The following RAD51B variants were observed in gnomAD, a reference collection of about 807,000 sequenced individuals.
RAD51B encodes RAD51 paralog B, also known as DNA repair protein RAD51 homolog 2.
A neutral mutation model predicts 42.2 loss-of-function variants in RAD51B; 38 were observed. The observed-to-expected ratio is 0.90, with a 90% CI of 0.70 to 1.18. The LOEUF (loss-of-function observed/expected upper bound fraction) is 1.18. Ranked by LOEUF, RAD51B falls within the 50% of genes most tolerant of loss-of-function variation. RAD51B has a pLI of 0.00. For missense variants in RAD51B, 373 were observed against 400.7 expected (o/e 0.93, Z 0.59); for synonymous variants, 154 against 145.2 (o/e 1.06, Z -0.43).
chr14:68,324,122 A>G (rs983655271), intron 8 of RAD51B, among the ~76,000 whole-genome samples: 9 of 152,246 alleles, frequency 5.9e-5, no homozygotes, highest in Admixed American at 5.2e-4. Context: ...AATTTATTTT[A>G]TAAGTGCCTG....
intron 7 of RAD51B, among the ~76,000 whole-genome samples, chr14:68,176,789 A>G (rs1420147977): frequency 2.0e-5 from 3 of 152,184 alleles, no homozygotes; most frequent in Non-Finnish European, 4.4e-5. Flanking sequence ...TAGTTATAGC[A>G]GTGCCAAAAG....
chr14:68,465,732 G>C (rs2085957529), intron 9 of RAD51B, among the ~76,000 whole-genome samples: 1 of 151,978 alleles, frequency 6.6e-6, no homozygotes, highest in Admixed American at 6.6e-5. Context: ...ACGAGGTCAG[G>C]AGATTGAGAC....
intron 7 of RAD51B, among the ~76,000 whole-genome samples, chr14:67,961,846 A>G (rs919124362): frequency 1.3e-5 from 2 of 152,186 alleles, no homozygotes; most frequent in Non-Finnish European, 2.9e-5. Context: ...GGAAATTCAG[A>G]TAGGCAAAAA....
At chr14:68,564,774 G>T (rs991184758) in intron 10 of RAD51B, among the ~76,000 whole-genome samples, 1 of 152,208 alleles carries the variant, frequency 6.6e-6, no homozygotes, top group African/African-American at 2.4e-5. Flanking sequence ...GAGTGAGGTG[G>T]ATGGTGGGCT....
intron 7 of RAD51B, among the ~76,000 whole-genome samples, chr14:68,001,894 G>C (rs2075491717): frequency 6.6e-6 from 1 of 152,162 alleles, no homozygotes; most frequent in Non-Finnish European, 1.5e-5. Context: ...TTTTATGGCT[G>C]CATAGTATTC....
chr14:68,479,724 A>G (rs994834479), downstream of RAD51B, among the ~76,000 whole-genome samples: 4 of 137,464 alleles, frequency 2.9e-5, no homozygotes, highest in Admixed American at 1.6e-4. Context: ...TCTGGAGTAC[A>G]GCAGTGCTAT....
intron 8 of RAD51B, among the ~76,000 whole-genome samples, chr14:68,359,265 A>G (rs939181528): frequency 7.2e-5 from 11 of 152,110 alleles, no homozygotes; most frequent in African/African-American, 2.2e-4. Context: ...TACAAAAGAC[A>G]TAAAGCACAC....
intron 7 of RAD51B, among the ~76,000 whole-genome samples, chr14:68,234,407 T>G (rs755433639): frequency 6.6e-6 from 1 of 152,228 alleles, no homozygotes; most frequent in Non-Finnish European, 1.5e-5. Flanking sequence ...CATCACTTAA[T>G]GATAGGAATG....
intron 8 of RAD51B, among the ~76,000 whole-genome samples, chr14:68,381,248 G>T (rs1192146910): frequency 1.3e-5 from 2 of 152,162 alleles, no homozygotes; most frequent in African/African-American, 2.4e-5. Context: ...TTTCTACTTT[G>T]CCAGATAGTC....
chr14:68,090,167 C>G (rs2077065669), intron 7 of RAD51B, among the ~76,000 whole-genome samples: 1 of 152,076 alleles, frequency 6.6e-6, no homozygotes, highest in Admixed American at 6.5e-5. Context: ...TCCATCAGAC[C>G]TTTATATCAA....
chr14:68,292,979 T>A (rs1253268771), intron 8 of RAD51B, among the ~76,000 whole-genome samples: 3 of 152,212 alleles, frequency 2.0e-5, no homozygotes, highest in Admixed American at 6.5e-5. Context: ...CTGAAACTTT[T>A]GTCATCAAGT....
intron 10 of RAD51B, among the ~76,000 whole-genome samples, chr14:68,603,775 C>T (rs542331775): frequency 2.0e-5 from 3 of 152,348 alleles, no homozygotes; most frequent in South Asian, 4.1e-4. Context: ...AGCCTGCACA[C>T]GCCGCGTCTC....
At chr14:68,010,126 T>G (rs2075658911) in intron 7 of RAD51B, among the ~76,000 whole-genome samples, 1 of 151,912 alleles carries the variant, frequency 6.6e-6, no homozygotes, top group South Asian at 2.1e-4. Context: ...ATCATTTCAT[T>G]CTTTTTCAAT....
At chr14:68,418,762 A>C (rs1428308522) in intron 9 of RAD51B, among the ~76,000 whole-genome samples, 1 of 152,218 alleles carries the variant, frequency 6.6e-6, no homozygotes, top group East Asian at 1.9e-4. Flanking sequence ...GAGAATGAAG[A>C]TTGGACAGGA....
intron 10 of RAD51B, chr14:68,541,209 G>A (rs1258759810): frequency 2.0e-6 from 2 of 985,322 alleles, no homozygotes; most frequent in Non-Finnish European, 2.4e-6. Flanking sequence ...TCTCTGCTCA[G>A]CTCCGTTCGG....
At chr14:68,395,670 G>T (rs1287232779) in intron 8 of RAD51B, among the ~76,000 whole-genome samples, 1 of 152,152 alleles carries the variant, frequency 6.6e-6, no homozygotes, top group Non-Finnish European at 1.5e-5. Flanking sequence ...GGATTCCTTT[G>T]TCTTGGACAG....
intron 7 of RAD51B, among the ~76,000 whole-genome samples, chr14:68,165,952 G>C (rs1476694647): frequency 6.6e-6 from 1 of 152,100 alleles, no homozygotes; most frequent in Non-Finnish European, 1.5e-5. Flanking sequence ...CCTTTACAAT[G>C]ATCTCGGCAT....
chr14:68,537,633 C>T (rs2140361232), intron 10 of RAD51B, among the ~76,000 whole-genome samples: 2 of 152,208 alleles, frequency 1.3e-5, no homozygotes, highest in East Asian at 3.9e-4. Context: ...AGAGGAAAAA[C>T]CCTTAATGAA....
chr14:68,580,223 C>T (rs1297871957), intron 10 of RAD51B, among the ~76,000 whole-genome samples: 1 of 152,212 alleles, frequency 6.6e-6, no homozygotes, highest in Non-Finnish European at 1.5e-5. Context: ...GGAAGTTTCT[C>T]TCAGTGTAAG....
Sources: gnomAD v4.1 joint callset for allele counts (sites outside exome capture counted in the v4.1 genomes callset) on GRCh38, gnomAD v4.1.1 for gene constraint, MANE v1.5 for transcripts, NCBI Gene and HGNC (gene_info 2026-07-23, HGNC 2026-07-21) for gene names.